The following LEPR variants were observed in gnomAD, a reference collection of about 807,000 sequenced individuals.
The protein encoded by LEPR is OB receptor.
LEPR carries 56 observed loss-of-function variants against 114.7 expected under a neutral mutation model. The observed-to-expected ratio is 0.49, with a 90% CI of 0.39 to 0.61. The LOEUF is 0.61. LEPR is among the 20% of genes least tolerant of loss of function. The pLI is 0.00. For synonymous variants in LEPR, 443 were observed against 461.4 expected (o/e 0.96, Z 0.51); for missense variants, 1,202 against 1,352.9 (o/e 0.89, Z 1.75).
At chr1:65,488,186 T>TCTCTCTC (rs1557619986) in intron 2 of LEPR, among the ~76,000 whole-genome samples, 2 of 20,812 alleles carry the variant, frequency 9.6e-5, no homozygotes, top group East Asian at 6.3e-4. Flanking sequence ...CTTTCTTTCT[T>TCTCTCTC]TCTTTCTTTC....
At chr1:65,597,620 A>G (rs1167915764) in intron 7 of LEPR, among the ~76,000 whole-genome samples, 16 of 152,128 alleles carry the variant, frequency 1.1e-4, no homozygotes. Flanking sequence ...AGGTGACAGC[A>G]GTAGTGGTTG....
At chr1:65,453,993 T>G (rs1056484038) in intron 2 of LEPR, among the ~76,000 whole-genome samples, 4 of 151,768 alleles carry the variant, frequency 2.6e-5, no homozygotes, top group African/African-American at 4.8e-5. Flanking sequence ...ATATTTAAGA[T>G]AGTTAGCTCT....
chr1:65,511,349 A>G (rs1649023378), intron 2 of LEPR, among the ~76,000 whole-genome samples: 1 of 152,118 alleles, frequency 6.6e-6, no homozygotes, highest in African/African-American at 2.4e-5. Context: ...ATCAGAATCT[A>G]CATTCAATAG....
At chr1:65,431,943 T>C in intron 2 of LEPR, 1 of 1,606,844 alleles carries the variant, frequency 6.2e-7, no homozygotes. Context: ...TTACAGTGCA[T>C]TGAATTTCTT....
At chr1:65,434,696 C>G in intron 2 of LEPR, 1 of 985,400 alleles carries the variant, frequency 1.0e-6, no homozygotes, top group Non-Finnish European at 1.2e-6. Context: ...TTTAATTTTT[C>G]CACTCATTTT....
chr1:65,523,008 T>C (rs928803072), intron 2 of LEPR, among the ~76,000 whole-genome samples: 1 of 152,250 alleles, frequency 6.6e-6, no homozygotes, highest in African/African-American at 2.4e-5. Context: ...TTTATCAGGC[T>C]TCAGGTATGT....
chr1:65,582,131 C>T (rs763170483), intron 5 of LEPR, among the ~76,000 whole-genome samples: 2 of 152,186 alleles, frequency 1.3e-5, no homozygotes, highest in Non-Finnish European at 2.9e-5. Context: ...CTTTCAAGTT[C>T]CAGTATCTGC....
chr1:65,534,325 A>G (rs1650608130), intron 2 of LEPR, among the ~76,000 whole-genome samples: 2 of 152,294 alleles, frequency 1.3e-5, no homozygotes, highest in African/African-American at 4.8e-5. Flanking sequence ...CGAAGTTGAA[A>G]ATGAATACAC....
In LEPR at chr1:65,584,635, G is replaced by C. The variant is rs376577954; in HGVS notation, c.495-8022G>C. ...AGTTTTAGCATTGCTATCCCATACT[G>C]CTGTGAAAAATGAAAACAAGCGTAC... is the stretch of plus-strand genomic sequence containing the variant. On this transcript the variant is annotated intron_variant, in intron 5 of 19. Coordinates refer to ENST00000349533, the MANE Select transcript of LEPR (RefSeq NM_002303.6). Among the ~76,000 whole-genome samples, 4 of 152,050 alleles carry C rather than the reference G, an allele frequency of 2.6e-5. No individual in the cohort carries two copies. In the East Asian group the frequency reaches 7.7e-4, roughly 29 times the overall value.
At chr1:65,599,883 C>A (rs1656329057) in intron 8 of LEPR, among the ~76,000 whole-genome samples, 1 of 151,982 alleles carries the variant, frequency 6.6e-6, no homozygotes, top group African/African-American at 2.4e-5. Flanking sequence ...TATCTCATAT[C>A]AATTTCAATA....
intron 2 of LEPR, among the ~76,000 whole-genome samples, chr1:65,545,052 C>T (rs1171070062): frequency 8.7e-5 from 13 of 149,658 alleles, no homozygotes; most frequent in Admixed American, 2.7e-4. Context: ...TGAGAATATG[C>T]GGTGTTTGGT....
At chr1:65,448,556 C>A (rs1367520019) in intron 2 of LEPR, among the ~76,000 whole-genome samples, 1 of 152,126 alleles carries the variant, frequency 6.6e-6, no homozygotes, top group Non-Finnish European at 1.5e-5. Context: ...GAAGTATTCC[C>A]TCTGCTTCTG....
Position 65,608,447 on chromosome 1 carries a change from C to T in LEPR, c.1604-306C>T, listed in dbSNP as rs114307099. Reference sequence around the variant, plus strand: ...GGGGTTTCACCGTGTTAGCCAGGATCGGCATGTTATCTTTTGCTTGCAGAG... The same window carrying T: ...GGGGTTTCACCGTGTTAGCCAGGATTGGCATGTTATCTTTTGCTTGCAGAG... On this transcript the variant is annotated intron_variant, in intron 11 of 19. Coordinates refer to ENST00000349533, the MANE Select transcript of LEPR (RefSeq NM_002303.6). 2.4e-3 allele frequency among the ~76,000 whole-genome samples: 361 copies of T among 151,984 alleles called. 1 individual carries two copies. The highest frequency in any genetic ancestry group is 8.4e-3 in the African/African-American group (349 of 41,486).
At position 65,420,803 on chromosome 1, in the gene LEPR, C is replaced by A. The variant is rs150977016; in HGVS notation, c.-97+63C>A. ...GGTTGCCACCTCCGTTCCGGTCAAG[C>A]CTGGGGCTGCGCCTTCCGCGCGCCG... On this transcript the variant is annotated intron_variant, in intron 1 of 19. Coordinates refer to ENST00000349533, the MANE Select transcript of LEPR (RefSeq NM_002303.6). 3,188 of 1,542,704 alleles carry A rather than the reference C, an allele frequency of 2.1e-3. 55 individuals are homozygous for A. The African/African-American group carries it at 0.039, about 19-fold the overall frequency.
At position 65,598,755 on chromosome 1, in the gene LEPR, C is replaced by A. The variant is rs1460442094; in HGVS notation, c.945C>A (p.Gly315=). 2 of 1,613,446 alleles carry A rather than the reference C, an allele frequency of 1.2e-6. No individual in the cohort carries two copies. The highest frequency in any genetic ancestry group is 1.7e-5 in the Admixed American group (1 of 59,952). Residue 315 remains glycine, a synonymous_variant, in exon 8 of 20, where the codon GGC becomes GGA. Transcript: ENST00000349533. ...AGGTGAGGGGCAAGAGACTGGATGG[C>A]CCAGGAATCTGGAGTGACTGGAGTA... The part of the protein sequence containing the change: ...EVQVRGKRLD[G]PGIWSDWSTP...
At chr1:65,581,790 G>A (rs540142794) in intron 5 of LEPR, among the ~76,000 whole-genome samples, 2 of 152,212 alleles carry the variant, frequency 1.3e-5, no homozygotes, top group South Asian at 2.1e-4. Flanking sequence ...AGAGACATCC[G>A]CAACACTTGC....
Position 65,445,922 on chromosome 1 carries a change from C to A in LEPR, c.-21+20544C>A, listed in dbSNP as rs574008643. On this transcript the variant is annotated intron_variant, in intron 2 of 19. Coordinates refer to ENST00000349533, the MANE Select transcript of LEPR (RefSeq NM_002303.6). ...ACAAAACCATTAATATTATGGGGTTCTTTTCAATATTTCTATGCTTAATTT... is the reference window on the plus strand; with the variant it reads ...ACAAAACCATTAATATTATGGGGTTATTTTCAATATTTCTATGCTTAATTT... 5.8e-4 allele frequency among the ~76,000 whole-genome samples: 89 copies of A among 152,206 alleles called. 1 individual carries two copies. Among genetic ancestry groups the A allele is most frequent in the African/African-American group, 2.0e-3 (83 of 41,548 alleles).
At chr1:65,549,444 G>A (rs951200384) in intron 2 of LEPR, among the ~76,000 whole-genome samples, 26 of 152,150 alleles carry the variant, frequency 1.7e-4, no homozygotes, top group African/African-American at 5.3e-4. Flanking sequence ...TCACTTTCAG[G>A]TACACCAATC....
chr1:65,570,389 C>T (rs1654069742), intron 3 of LEPR, 84 bp from the exon 4 acceptor site: 1 of 1,333,990 alleles, frequency 7.5e-7, no homozygotes, highest in Non-Finnish European at 1.0e-6. Context: ...TTGAGCACTA[C>T]ATGGTTTAAT....
Sources: gnomAD v4.1 joint callset for allele counts (sites outside exome capture counted in the v4.1 genomes callset) on GRCh38, gnomAD v4.1.1 for gene constraint, MANE v1.5 for transcripts, NCBI Gene and HGNC (gene_info 2026-07-23, HGNC 2026-07-21) for gene names.